The following RANBP2 variants were observed in gnomAD, a reference collection of about 807,000 sequenced individuals.
RANBP2 encodes RAN binding protein 2, also known as E3 SUMO-protein ligase RanBP2.
A neutral mutation model predicts 303.6 loss-of-function variants in RANBP2; 57 were observed. The ratio of observed to expected loss-of-function variants is 0.19; its 90% CI spans 0.15 to 0.23. The LOEUF (loss-of-function observed/expected upper bound fraction) is 0.23. Ranked by LOEUF, RANBP2 falls within the 10% of genes least tolerant of loss-of-function variation. RANBP2 has a pLI of 1.00. For synonymous variants in RANBP2, 1,167 were observed against 1,301.5 expected, an observed-to-expected ratio of 0.90 and a Z score of 2.23; for missense variants, 3,138 against 3,780.8, an observed-to-expected ratio of 0.83 and a Z score of 4.46.
the RANBP2 span, among the ~76,000 whole-genome samples, chr2:109,721,456 G>A: frequency 6.6e-6 from 1 of 152,176 alleles, no homozygotes; most frequent in Non-Finnish European, 1.5e-5. Context: ...TGCCTCCGCA[G>A]GCAGGTATCA....
At chr2:109,577,263 A>G in the RANBP2 span, among the ~76,000 whole-genome samples, 1 of 152,210 alleles carries the variant, frequency 6.6e-6, no homozygotes. Flanking sequence ...ATGGTAATAA[A>G]CATATACTGG....
the RANBP2 span, among the ~76,000 whole-genome samples, chr2:108,999,445 C>T: frequency 2.0e-5 from 3 of 152,196 alleles, no homozygotes; most frequent in Non-Finnish European, 2.9e-5. Flanking sequence ...GCCCCATTTT[C>T]GGTAATTACC....
the RANBP2 span, among the ~76,000 whole-genome samples, chr2:109,668,942 C>G: frequency 2.6e-5 from 4 of 152,170 alleles, no homozygotes; most frequent in Non-Finnish European, 5.9e-5. Context: ...CTGGAGTTAT[C>G]ATACTACTTG....
At chr2:108,812,283 T>G in the RANBP2 span, among the ~76,000 whole-genome samples, 1 of 152,134 alleles carries the variant, frequency 6.6e-6, no homozygotes, top group Non-Finnish European at 1.5e-5. Flanking sequence ...CAGTTATAGC[T>G]CATTGTACTG....
chr2:109,465,292 G>A, the RANBP2 span, among the ~76,000 whole-genome samples: 2 of 152,162 alleles, frequency 1.3e-5, no homozygotes, highest in African/African-American at 4.8e-5. Context: ...ATCTTGTGTG[G>A]GTTTTTATAT....
chr2:108,872,281 T>C, the RANBP2 span, among the ~76,000 whole-genome samples: 1 of 152,138 alleles, frequency 6.6e-6, no homozygotes, highest in African/African-American at 2.4e-5. Context: ...TTTATGTCCT[T>C]CTCATACGCA....
the RANBP2 span, among the ~76,000 whole-genome samples, chr2:109,674,039 C>T: frequency 6.6e-6 from 1 of 152,050 alleles, no homozygotes; most frequent in Non-Finnish European, 1.5e-5. Context: ...AAGTCTTTCA[C>T]CCAATTTATT....
At chr2:109,351,125 C>T in the RANBP2 span, among the ~76,000 whole-genome samples, 6 of 152,222 alleles carry the variant, frequency 3.9e-5, no homozygotes, top group East Asian at 9.6e-4. Flanking sequence ...TTCTTAGTAG[C>T]CCGACTCCAG....
Position 108,767,473 on chromosome 2 carries a change from C to T in RANBP2, c.6934C>T (p.Pro2312Ser). 1 of 1,611,830 alleles carries T rather than the reference C, an allele frequency of 6.2e-7. No homozygotes were observed. Among genetic ancestry groups the T allele is most frequent in the Non-Finnish European group, 8.5e-7 (1 of 1,179,836 alleles). The change falls in exon 20 of 29, where the codon CCT becomes TCT. Residue 2312 changes from proline to serine, a missense_variant. By Grantham distance (74) the Pro-to-Ser change is moderately conservative. Around this residue, in one of 20 missense-constraint regions of RANBP2, gnomAD observed 92 missense variants for 211.0 expected, o/e 0.44. Coordinates refer to ENST00000283195, the MANE Select transcript of RANBP2 (RefSeq NM_006267.5). ...AGAGAGAGATGGACAGTACTTTGAA[C>T]CTGTTGTTCCTTTACCTGATCTAGT... ...EEERDGQYFEPVVPLPDLVEV... is the reference protein window; with the variant it reads ...EEERDGQYFESVVPLPDLVEV...
chr2:108,781,177 C>G (rs1402421507), intron 25 of RANBP2, 92 bp from the exon 26 acceptor site: 2 of 1,234,024 alleles, frequency 1.6e-6, no homozygotes, highest in Non-Finnish European at 2.4e-6. Context: ...CATATTACAT[C>G]ATCAGGAATT....
chr2:108,724,810 A>G (rs1694561597), intron 1 of RANBP2, among the ~76,000 whole-genome samples: 1 of 151,674 alleles, frequency 6.6e-6, no homozygotes, highest in African/African-American at 2.4e-5. Context: ...TGTCCTGTAT[A>G]ATCGCGGCCT....
At chr2:109,495,118 C>G in the RANBP2 span, among the ~76,000 whole-genome samples, 1 of 152,214 alleles carries the variant, frequency 6.6e-6, no homozygotes, top group Admixed American at 6.5e-5. Flanking sequence ...CCAAGAGGAC[C>G]TCATCTTTAG....
At chr2:109,227,657 C>T in the RANBP2 span, among the ~76,000 whole-genome samples, 16 of 152,292 alleles carry the variant, frequency 1.1e-4, no homozygotes, top group Admixed American at 7.8e-4. Context: ...ATGGGGTACA[C>T]GGCAGCTCCC....
chr2:108,869,961 A>T, the RANBP2 span, among the ~76,000 whole-genome samples: 1 of 152,234 alleles, frequency 6.6e-6, no homozygotes, highest in Non-Finnish European at 1.5e-5. Context: ...TCCTGTAAAG[A>T]CACACAAATT....
the RANBP2 span, among the ~76,000 whole-genome samples, chr2:109,296,485 AC>A: frequency 6.6e-6 from 1 of 151,780 alleles, no homozygotes; most frequent in East Asian, 1.9e-4. Context: ...CAAGTGATCC[AC>A]CCGCTTCAGC....
At position 108,754,914 on chromosome 2, in the gene RANBP2, C is replaced by T. The variant is rs201793011; in HGVS notation, c.2212C>T (p.Pro738Ser). The change falls in exon 16 of 29, where the codon CCC (proline) becomes TCC (serine). Residue 738 changes from proline to serine, a missense_variant. Physicochemically the swap from Pro to Ser is moderately conservative, Grantham distance 74. Around this residue, in one of 20 missense-constraint regions of RANBP2, gnomAD observed 194 missense variants for 197.4 expected, o/e 0.98. Coordinates refer to ENST00000283195, the MANE Select transcript of RANBP2 (RefSeq NM_006267.5). ...NLSVVKKLPV[P>S]LESVKEMLNS... ...TGTCTTTTATTTTTAGTTGCCTGTG[C>T]CCCTGGAGTCTGTAAAAGAGATGCT... The T allele has an allele frequency of 7.0e-4, 1,132 of 1,611,684 alleles. 10 individuals are homozygous for T. The highest frequency in any genetic ancestry group is 5.2e-3 in the South Asian group (476 of 90,982).
chr2:108,906,667 A>AC, the RANBP2 span, among the ~76,000 whole-genome samples: 20 of 151,974 alleles, frequency 1.3e-4, no homozygotes, highest in Admixed American at 1.3e-3. Context: ...GACCATGGGG[A>AC]CCCCCACTTG....
chr2:109,043,306 A>G, the RANBP2 span, among the ~76,000 whole-genome samples: 1 of 152,118 alleles, frequency 6.6e-6, no homozygotes, highest in Admixed American at 6.5e-5. Flanking sequence ...CCATGTTTGC[A>G]TAAGAGCTCT....
At chr2:109,111,742 ATTTAGCAT>A in the RANBP2 span, among the ~76,000 whole-genome samples, 1 of 149,950 alleles carries the variant, frequency 6.7e-6, no homozygotes, top group Admixed American at 6.6e-5. Flanking sequence ...TTAACTCGTC[ATTTAGCAT>A]TAGGTATATC....
Sources: gnomAD v4.1 joint callset for allele counts (sites outside exome capture counted in the v4.1 genomes callset) on GRCh38, gnomAD v4.1.1 for gene constraint, gnomAD v4.1.1 regional missense constraint, MANE v1.5 for transcripts, NCBI Gene and HGNC (gene_info 2026-07-23, HGNC 2026-07-21) for gene names.